Variants in DENND4A observed in about 807,000 individuals in gnomAD.
The protein encoded by DENND4A is DENN domain containing 4A, also known as C-myc promoter-binding protein.
In DENND4A, 70 loss-of-function variants were observed where a neutral mutation model predicts 199.3. That is an observed-to-expected ratio of 0.35 (90% confidence interval 0.29 to 0.43). DENND4A has a LOEUF of 0.43. DENND4A is among the 20% of genes least tolerant of loss of function. DENND4A has a pLI of 1.00. For missense variants in DENND4A, 1,723 were observed against 2,255.8 expected, an observed-to-expected ratio of 0.76 and a Z score of 4.78; for synonymous variants, 686 against 766.9, an observed-to-expected ratio of 0.89 and a Z score of 1.74.
chr15:65,791,920 C>G (rs900292733), intron 1 of DENND4A, 90 bp downstream of exon 1: 1 of 152,264 alleles, frequency 6.6e-6, no homozygotes, highest in Non-Finnish European at 1.5e-5. Context: ...CGAACCCACC[C>G]GCCCCGCTCC....
intron 2 of DENND4A, among the ~76,000 whole-genome samples, chr15:65,757,135 G>A (rs188690689): frequency 5.3e-5 from 8 of 152,152 alleles, no homozygotes; most frequent in Admixed American, 3.9e-4. Flanking sequence ...AAATTCCTAG[G>A]TCCCCAAAAC....
At chr15:65,714,529 A>G (rs2075341142) in intron 14 of DENND4A, among the ~76,000 whole-genome samples, 4 of 152,074 alleles carry the variant, frequency 2.6e-5, no homozygotes, top group Admixed American at 2.6e-4. Context: ...TCCCACACAG[A>G]TGACTTCTTC....
In DENND4A at chr15:65,715,510, T is replaced by A; in HGVS notation, c.1921A>T (p.Ser641Cys). 6.2e-7 allele frequency: 1 copy of A among 1,611,728 alleles called. No individual in the cohort carries two copies. The highest frequency in any genetic ancestry group is 8.5e-7 in the Non-Finnish European group (1 of 1,179,396). The change falls in exon 14 of 33, where the codon AGC becomes TGC. Residue 641 changes from serine to cysteine, a missense_variant. Physicochemically the swap from Ser to Cys is moderately radical, Grantham distance 112. Transcript: ENST00000443035. ...ECSFVSDKDASLAFFDDCVDK... is the reference protein window; with the variant it reads ...ECSFVSDKDACLAFFDDCVDK... ...ACACAATCATCAAAAAATGCCAGGC[T>A]TGCATCTTTGTCACTAACAAAAGAA...
At chr15:65,786,347 A>C (rs2077566477) in intron 1 of DENND4A, among the ~76,000 whole-genome samples, 1 of 152,216 alleles carries the variant, frequency 6.6e-6, no homozygotes, top group Non-Finnish European at 1.5e-5. Flanking sequence ...CCATGACACA[A>C]TCATATTAAC....
At chr15:65,704,386 ATTTTT>A (rs1199480683) in intron 15 of DENND4A, among the ~76,000 whole-genome samples, 1 of 152,128 alleles carries the variant, frequency 6.6e-6, no homozygotes, top group Non-Finnish European at 1.5e-5. Flanking sequence ...TTATTATTTT[ATTTTT>A]TGATTTATGT....
chr15:65,778,170 T>A (rs1269334577), intron 1 of DENND4A, among the ~76,000 whole-genome samples: 1 of 152,168 alleles, frequency 6.6e-6, no homozygotes, highest in Non-Finnish European at 1.5e-5. Flanking sequence ...ATGAATAAAA[T>A]TCTATTACAA....
rs376924557 is a variant in DENND4A, at chr15:65,685,410, GCCA to G, written c.4179+5002_4179+5004del. ...CAAAGTGTTGGGATTACAGGCGTGAGCCACCGCCAGCCCACAATTTTTATAGTG... is the reference window on the plus strand; with the variant it reads ...CAAAGTGTTGGGATTACAGGCGTGAGCCGCCAGCCCACAATTTTTATAGTG... On this transcript the variant is annotated intron_variant, in intron 23 of 32. Coordinates refer to ENST00000443035, the MANE Select transcript of DENND4A (RefSeq NM_001320835.1). Among the ~76,000 whole-genome samples the G allele has an allele frequency of 1.1e-3, 170 of 152,270 alleles. 2 individuals are homozygous for G. The East Asian group carries it at 0.025, about 22-fold the overall frequency.
At chr15:65,702,235 C>T in intron 17 of DENND4A, 70 bp downstream of exon 17, 1 of 1,301,038 alleles carries the variant, frequency 7.7e-7, no homozygotes, top group East Asian at 2.5e-5. Context: ...CATCACTGCA[C>T]TCCAGCCTGG....
At chr15:65,720,947 T>TATTATATA (rs1555425654) in intron 12 of DENND4A, among the ~76,000 whole-genome samples, 4 of 76,232 alleles carry the variant, frequency 5.2e-5, no homozygotes, top group South Asian at 3.9e-4. Context: ...GTTTCATTGA[T>TATTATATA]TATATATATA....
intron 3 of DENND4A, among the ~76,000 whole-genome samples, chr15:65,755,690 C>G (rs959634286): frequency 3.9e-5 from 6 of 152,212 alleles, no homozygotes; most frequent in Non-Finnish European, 7.4e-5. Context: ...TACTTGAGGC[C>G]AGGAGTTTGA....
chr15:65,724,126 C>T (rs551298325), intron 11 of DENND4A, among the ~76,000 whole-genome samples: 108 of 152,144 alleles, frequency 7.1e-4, no homozygotes, highest in African/African-American at 2.5e-3. Context: ...GGCATGATCA[C>T]GGCTCACTGC....
At chr15:65,667,748 C>G in intron 28 of DENND4A, 45 bp from the exon 29 acceptor site, 1 of 1,564,398 alleles carries the variant, frequency 6.4e-7, no homozygotes, top group Non-Finnish European at 8.6e-7. Context: ...CAAAATAATA[C>G]TAAGCCATTA....
intron 1 of DENND4A, among the ~76,000 whole-genome samples, chr15:65,783,821 T>C (rs1159758794): frequency 1.3e-5 from 2 of 151,958 alleles, no homozygotes; most frequent in South Asian, 2.1e-4. Context: ...ATTGAATAAA[T>C]ATATAAACGG....
intron 7 of DENND4A, among the ~76,000 whole-genome samples, chr15:65,733,043 A>C (rs1471534571): frequency 2.0e-5 from 3 of 152,194 alleles, no homozygotes; most frequent in African/African-American, 7.2e-5. Flanking sequence ...CACATTCAAC[A>C]ATATTTGTTA....
At chr15:65,686,288 A>T (rs1167810478) in intron 23 of DENND4A, among the ~76,000 whole-genome samples, 1 of 152,198 alleles carries the variant, frequency 6.6e-6, no homozygotes, top group Non-Finnish European at 1.5e-5. Flanking sequence ...AACATAGTTT[A>T]TCTTGATGAC....
At chr15:65,725,450 G>A (rs969282987) in intron 11 of DENND4A, among the ~76,000 whole-genome samples, 1 of 152,160 alleles carries the variant, frequency 6.6e-6, no homozygotes, top group African/African-American at 2.4e-5. Context: ...GCCGAGGCGG[G>A]CAGATCATGA....
Position 65,712,673 on chromosome 15 carries a change from A to G in DENND4A, c.1953+2805T>C, listed in dbSNP as rs997771997. ...AAGGCCAATTTTATGTTAAACTAAG[A>G]ACTGAACCAATTTATGAATATCAAG... On this transcript the variant is annotated intron_variant, in intron 14 of 32. Coordinates refer to ENST00000443035, the MANE Select transcript of DENND4A (RefSeq NM_001320835.1). Among the ~76,000 whole-genome samples, 5 of 152,212 alleles carry G rather than the reference A, an allele frequency of 3.3e-5. No individual in the cohort carries two copies. In the East Asian group the frequency reaches 9.7e-4, roughly 29 times the overall value.
intron 4 of DENND4A, among the ~76,000 whole-genome samples, chr15:65,746,534 G>C (rs1390252637): frequency 2.0e-5 from 3 of 150,966 alleles, no homozygotes; most frequent in African/African-American, 4.9e-5. Context: ...TTACAGGTGT[G>C]CACTACCAGG....
At chr15:65,713,074 T>C (rs960512976) in intron 14 of DENND4A, among the ~76,000 whole-genome samples, 4 of 152,154 alleles carry the variant, frequency 2.6e-5, no homozygotes, top group Non-Finnish European at 5.9e-5. Flanking sequence ...ACATTATTAC[T>C]GGAAATCAAC....
Sources: allele counts gnomAD v4.1 joint callset (sites outside exome capture counted in the v4.1 genomes callset), GRCh38; gene constraint gnomAD v4.1.1; transcripts MANE v1.5; gene names NCBI Gene and HGNC (gene_info 2026-07-23, HGNC 2026-07-21).